PDZD2: variants seen among roughly 807,000 people sequenced by gnomAD.
PDZD2 encodes the protein PDZ domain-containing protein 2.
PDZD2 carries 90 observed loss-of-function variants against 220.7 expected under a neutral mutation model. That is an observed-to-expected ratio of 0.41 (90% CI 0.34 to 0.49). The LOEUF is 0.49. Ranked by LOEUF, PDZD2 falls within the 20% of genes least tolerant of loss-of-function variation. The pLI is 0.28. For synonymous variants in PDZD2, 1,375 were observed against 1,450.5 expected (o/e 0.95, Z 1.18); for missense variants, 3,174 against 3,608.5 (o/e 0.88, Z 3.08).
chr5:32,066,407 G>A (rs1247604661), intron 14 of PDZD2, among the ~76,000 whole-genome samples: 1 of 152,102 alleles, frequency 6.6e-6, no homozygotes, highest in Non-Finnish European at 1.5e-5. Flanking sequence ...ACCTTTTTCT[G>A]TTTTTTCCTC....
At chr5:31,813,334 C>T (rs567023342) in intron 2 of PDZD2, among the ~76,000 whole-genome samples, 1 of 151,542 alleles carries the variant, frequency 6.6e-6, no homozygotes, top group South Asian at 2.1e-4. Flanking sequence ...TCTATAGTCC[C>T]AGCTACTCGG....
chr5:32,038,372 C>A (rs1487122136), intron 7 of PDZD2, among the ~76,000 whole-genome samples: 1 of 150,526 alleles, frequency 6.6e-6, no homozygotes, highest in Admixed American at 6.6e-5. Flanking sequence ...TACTAAAATA[C>A]ACACACACAC....
intron 2 of PDZD2, among the ~76,000 whole-genome samples, chr5:31,953,963 T>G (rs962612929): frequency 6.6e-6 from 1 of 151,978 alleles, no homozygotes; most frequent in Non-Finnish European, 1.5e-5. Flanking sequence ...AAATTTGTTT[T>G]TAATTAGCCA....
rs533755851 is a variant in PDZD2, at chr5:32,075,016, T to C, written c.3537+373T>C. On this transcript the variant is annotated intron_variant, in intron 18 of 24. Coordinates refer to ENST00000438447, the MANE Select transcript of PDZD2 (RefSeq NM_178140.4). ...TAGTAGAGACAGGGTTTCACCATAT[T>C]GGTCAGGCTGGTCTCGAACTCCTGG... Among the ~76,000 whole-genome samples the C allele has an allele frequency of 4.6e-5, 7 of 152,244 alleles. No individual in the cohort carries two copies. The East Asian group carries it at 1.2e-3, about 25-fold the overall frequency.
In PDZD2 at chr5:31,771,844, T is replaced by A. The variant is rs150794201; in HGVS notation, c.-360-27045T>A. 2.3e-3 allele frequency among the ~76,000 whole-genome samples: 352 copies of A among 152,232 alleles called. 1 individual carries two copies. Among genetic ancestry groups the A allele is most frequent in the African/African-American group, 8.1e-3 (337 of 41,546 alleles). ...TCCTTCACTCACTGCCTGGGTGACTTTTCCCTTCTTAGGCCTCAATTTTTT... is the reference window on the plus strand; with the variant it reads ...TCCTTCACTCACTGCCTGGGTGACTATTCCCTTCTTAGGCCTCAATTTTTT... On this transcript the variant is annotated intron_variant, in intron 1 of 24. Coordinates refer to ENST00000438447, the MANE Select transcript of PDZD2 (RefSeq NM_178140.4).
At chr5:31,872,430 C>T (rs1738903867) in intron 2 of PDZD2, among the ~76,000 whole-genome samples, 1 of 152,156 alleles carries the variant, frequency 6.6e-6, no homozygotes, top group African/African-American at 2.4e-5. Flanking sequence ...TAAGTAGTCA[C>T]AGGCAGACAG....
chr5:31,782,707 A>ATTTTTT (rs34166035), intron 1 of PDZD2, among the ~76,000 whole-genome samples: 1 of 96,510 alleles, frequency 1.0e-5, no homozygotes. Context: ...ACCACTTTAG[A>ATTTTTT]TTTTTTTTTT....
intron 2 of PDZD2, among the ~76,000 whole-genome samples, chr5:31,891,393 C>T (rs1273156922): frequency 1.3e-5 from 2 of 151,622 alleles, no homozygotes; most frequent in African/African-American, 2.4e-5. Flanking sequence ...CTCGGCTCAC[C>T]GCAACTTCGC....
At chr5:31,747,278 GAAGC>G (rs1580675987) in intron 1 of PDZD2, among the ~76,000 whole-genome samples, 2 of 152,306 alleles carry the variant, frequency 1.3e-5, no homozygotes, top group East Asian at 3.9e-4. Flanking sequence ...TGGCTTTCGT[GAAGC>G]ATGGATAGTC....
chr5:31,692,016 T>C (rs1442819294), intron 1 of PDZD2, among the ~76,000 whole-genome samples: 2 of 152,214 alleles, frequency 1.3e-5, no homozygotes, highest in Non-Finnish European at 2.9e-5. Context: ...GCACCCGCAT[T>C]CCTCAGCCCT....
intron 1 of PDZD2, among the ~76,000 whole-genome samples, chr5:31,644,071 G>A (rs144355005): frequency 0.036 from 5,478 of 152,194 alleles, 213 homozygotes; most frequent in Admixed American, 0.12. Flanking sequence ...GGGCTCAAGC[G>A]ATCCACCCAC....
At chr5:31,744,687 C>T (rs963094854) in intron 1 of PDZD2, among the ~76,000 whole-genome samples, 9 of 151,950 alleles carry the variant, frequency 5.9e-5, no homozygotes, top group African/African-American at 1.9e-4. Context: ...TTATTGAGTC[C>T]AAGGATATAG....
intron 7 of PDZD2, among the ~76,000 whole-genome samples, chr5:32,038,314 G>A (rs1755730557): frequency 1.3e-5 from 2 of 150,654 alleles, no homozygotes; most frequent in Admixed American, 1.3e-4. Flanking sequence ...CAGATCACGA[G>A]GTCAGGAGAT....
intron 2 of PDZD2, among the ~76,000 whole-genome samples, chr5:31,882,871 A>G (rs1404789464): frequency 1.3e-5 from 2 of 151,934 alleles, no homozygotes; most frequent in Non-Finnish European, 2.9e-5. Context: ...TCCGCTAAAA[A>G]TAACAAAAGT....
intron 17 of PDZD2, among the ~76,000 whole-genome samples, 186 bp from the exon 18 acceptor site, chr5:32,073,646 C>G (rs10052569): frequency 0.015 from 2,240 of 151,760 alleles, 68 homozygotes; most frequent in African/African-American, 0.052. Context: ...AAAGATAGCC[C>G]GCCTATCTAC....
intron 1 of PDZD2, among the ~76,000 whole-genome samples, chr5:31,670,887 G>A: frequency 6.6e-6 from 1 of 152,068 alleles, no homozygotes; most frequent in Non-Finnish European, 1.5e-5. Context: ...AGCCCTCTGT[G>A]GATCGCTAAG....
intron 2 of PDZD2, among the ~76,000 whole-genome samples, chr5:31,942,680 C>T (rs974389078): frequency 6.6e-6 from 1 of 152,086 alleles, no homozygotes; most frequent in African/African-American, 2.4e-5. Flanking sequence ...TGTAGATCTG[C>T]CTTCTCTTTT....
At position 31,996,210 on chromosome 5, in the gene PDZD2, G is replaced by A. The variant is rs370696796; in HGVS notation, c.1121+492G>A. 5.3e-5 allele frequency among the ~76,000 whole-genome samples: 8 copies of A among 152,224 alleles called. No homozygotes were observed. The East Asian group carries it at 7.7e-4, about 15-fold the overall frequency. On this transcript the variant is annotated intron_variant, in intron 4 of 24. Coordinates refer to ENST00000438447, the MANE Select transcript of PDZD2 (RefSeq NM_178140.4). ...ATACTTAGATATATGTATCTCTGTC[G>A]TGCAGATGTGGAAGGGAAATTAAGT...
At chr5:32,058,149 T>A (rs751305572) in intron 12 of PDZD2, 46 bp downstream of exon 12, 1 of 983,710 alleles carries the variant, frequency 1.0e-6, no homozygotes, top group Non-Finnish European at 1.6e-6. Context: ...TTGAATAACA[T>A]TTTGGAATCT....
Sources: gnomAD v4.1 joint callset for allele counts (sites outside exome capture counted in the v4.1 genomes callset) on GRCh38, gnomAD v4.1.1 for gene constraint, MANE v1.5 for transcripts, NCBI Gene and HGNC (gene_info 2026-07-23, HGNC 2026-07-21) for gene names.